VIL1: variants seen among roughly 807,000 people sequenced by gnomAD.
VIL1 encodes villin-1.
A neutral mutation model predicts 104.0 loss-of-function variants in VIL1; 86 were observed. That is an observed-to-expected ratio of 0.83 (90% CI 0.69 to 0.99). The LOEUF (loss-of-function observed/expected upper bound fraction) is 0.99. Ranked by LOEUF, VIL1 falls within the 50% of genes least tolerant of loss-of-function variation. The probability of loss-of-function intolerance (pLI) is 0.00; values close to 1 mark genes in which losing one functional copy is unlikely to be tolerated. For missense variants in VIL1, 944 were observed against 1,054.1 expected, an observed-to-expected ratio of 0.90 and a Z score of 1.45; for synonymous variants, 394 against 412.6, an observed-to-expected ratio of 0.95 and a Z score of 0.55.
rs747118332 is a variant in VIL1, at chr2:218,428,035, C to T, written c.418C>T (p.Leu140=). The part of the protein sequence containing the change: ...ETNSYDVQRL[L]HVKGKRNVVA... ...CAACTCCTATGACGTCCAGAGGCTG[C>T]TGCATGTCAAGGGCAAGAGGAACGT... is the stretch of plus-strand genomic sequence containing the variant. The change falls in exon 5 of 20, where the codon CTG becomes TTG. Residue 140 remains leucine (L), a synonymous_variant. Transcript: ENST00000248444. The T allele has an allele frequency of 1.2e-6, 2 of 1,614,178 alleles. No individual in the cohort carries two copies. The highest frequency in any genetic ancestry group is 2.2e-5 in the South Asian group (2 of 91,086).
chr2:218,445,655 C>T (rs959682046), intron 19 of VIL1, among the ~76,000 whole-genome samples: 7 of 152,006 alleles, frequency 4.6e-5, no homozygotes, highest in African/African-American at 1.7e-4. Context: ...TAGGGCAACT[C>T]CACCTTAGCA....
At chr2:218,438,077 A>C (rs138979390) in intron 17 of VIL1, among the ~76,000 whole-genome samples, 445 of 152,338 alleles carry the variant, frequency 2.9e-3, no homozygotes, top group African/African-American at 0.01. Context: ...TCAAGGCAGC[A>C]TATCGAGATG....
chr2:218,429,979 G>C lies in VIL1; in HGVS notation c.948+32G>C, dbSNP rs1689068298. On this transcript the variant is annotated intron_variant, in intron 9 of 19. Transcript: ENST00000248444. ...GTGGGGGCGGGGGAGGGTCCAGGAGGAGGGCAGAGTGATGGGAGGGAGAGA... is the reference window on the plus strand; with the variant it reads ...GTGGGGGCGGGGGAGGGTCCAGGAGCAGGGCAGAGTGATGGGAGGGAGAGA... The C allele has an allele frequency of 2.5e-6, 4 of 1,578,138 alleles. No homozygotes were observed. In the East Asian group the frequency reaches 9.0e-5, roughly 35 times the overall value.
intron 4 of VIL1, among the ~76,000 whole-genome samples, chr2:218,426,136 G>A (rs1292517048): frequency 6.6e-6 from 1 of 152,204 alleles, no homozygotes; most frequent in Non-Finnish European, 1.5e-5. Flanking sequence ...CTACTTGAAT[G>A]TCCTGGAGAG....
At chr2:218,439,156 C>T (rs1480851293) in intron 18 of VIL1, among the ~76,000 whole-genome samples, 1 of 151,846 alleles carries the variant, frequency 6.6e-6, no homozygotes, top group Non-Finnish European at 1.5e-5. Context: ...GTCTCAAACT[C>T]CTGACCTCAA....
chr2:218,423,916 A>G (rs1688934521), intron 2 of VIL1, 63 bp downstream of exon 2: 1 of 1,582,924 alleles, frequency 6.3e-7, no homozygotes. Flanking sequence ...AAGGCCAAGG[A>G]GGGAGGCCTG....
chr2:218,423,642 C>T, intron 1 of VIL1, 126 bp from the exon 2 acceptor site: 2 of 829,288 alleles, frequency 2.4e-6, no homozygotes, highest in Non-Finnish European at 4.0e-6. Context: ...TGGGGAGTAA[C>T]CCTCTGTGCT....
intron 12 of VIL1, chr2:218,432,470 G>T (rs1689115667): frequency 4.3e-6 from 3 of 691,856 alleles, no homozygotes; most frequent in African/African-American, 1.8e-5. Flanking sequence ...CAGGGAGTGT[G>T]TCTAGGACTG....
At chr2:218,446,838 A>G (rs1198396000) in intron 19 of VIL1, among the ~76,000 whole-genome samples, 1 of 141,616 alleles carries the variant, frequency 7.1e-6, no homozygotes, top group Non-Finnish European at 1.5e-5. Flanking sequence ...GATCTCGCTC[A>G]CTGCAATCTC....
In VIL1 at chr2:218,451,586, G is replaced by A. The variant is rs906354150; in HGVS notation, c.*2250G>A. On this transcript the variant is annotated 3_prime_UTR_variant, in exon 20 of 20. Transcript: ENST00000248444. ...GATAATTTTCATTATATCCGTAGCTGTATGTGTGTATAGTTACATAATGGT... is the reference window on the plus strand; with the variant it reads ...GATAATTTTCATTATATCCGTAGCTATATGTGTGTATAGTTACATAATGGT... 6 of 101,310 alleles carry A rather than the reference G, an allele frequency of 5.9e-5. No individual in the cohort carries two copies. Among genetic ancestry groups the A allele is most frequent in the African/African-American group, 1.3e-4 (4 of 29,990 alleles). 6.3% of individuals were successfully genotyped at this position (101,310 alleles called of 1,614,324 possible).
intron 1 of VIL1, among the ~76,000 whole-genome samples, chr2:218,420,523 C>CT (rs1318097560): frequency 1.3e-5 from 2 of 150,976 alleles, no homozygotes; most frequent in Non-Finnish European, 3.0e-5. Flanking sequence ...CTCCAGTGCC[C>CT]TGGGAGGGTC....
At chr2:218,437,052 G>C in intron 16 of VIL1, 72 bp from the exon 17 acceptor site, 1 of 1,551,572 alleles carries the variant, frequency 6.4e-7, no homozygotes, top group Non-Finnish European at 8.8e-7. Context: ...TTCACTGTTG[G>C]ACAACTGAGG....
Position 218,438,681 on chromosome 2 carries a change from G to A in VIL1, c.2184G>A (p.Leu728=). Residue 728 remains leucine (L), a synonymous_variant, in exon 18 of 20, where the codon CTG becomes CTA. Coordinates refer to ENST00000248444, the MANE Select transcript of VIL1 (RefSeq NM_007127.3). ...AGAACACCAAATCCTATGAGGACCT[G>A]AAGGCGGAGCTTGGCAACTCTAGGG... ...KWSNTKSYED[L]KAELGNSRDW... 4 of 1,612,804 alleles carry A rather than the reference G, an allele frequency of 2.5e-6. No homozygotes were observed. Among genetic ancestry groups the A allele is most frequent in the Non-Finnish European group, 3.4e-6 (4 of 1,179,756 alleles).
chr2:218,445,866 C>CATTT (rs1289739532), intron 19 of VIL1, among the ~76,000 whole-genome samples: 1 of 152,128 alleles, frequency 6.6e-6, no homozygotes, highest in Non-Finnish European at 1.5e-5. Flanking sequence ...GAACAAAGGT[C>CATTT]ATTTCAGTGA....
chr2:218,420,010 G>T (rs1688872109), intron 1 of VIL1, among the ~76,000 whole-genome samples: 1 of 152,126 alleles, frequency 6.6e-6, no homozygotes, highest in African/African-American at 2.4e-5. Context: ...TGAGGGGTGG[G>T]ACTTCACCCC....
intron 5 of VIL1, 59 bp downstream of exon 5, chr2:218,428,132 G>C: frequency 6.2e-7 from 1 of 1,602,262 alleles, no homozygotes; most frequent in Non-Finnish European, 8.6e-7. Flanking sequence ...GGAGGGCAGG[G>C]GCTGAGGAGG....
At chr2:218,443,238 G>A (rs867498691) in intron 19 of VIL1, among the ~76,000 whole-genome samples, 26 of 145,508 alleles carry the variant, frequency 1.8e-4, no homozygotes, top group Middle Eastern at 3.6e-3. Context: ...TTGCTCTGTC[G>A]CCCAGGCTGG....
chr2:218,432,571 G>T (rs1389585607), intron 12 of VIL1: 1 of 764,010 alleles, frequency 1.3e-6, no homozygotes, highest in Non-Finnish European at 2.2e-6. Context: ...AGGTAGGTCA[G>T]GGCTGGGCTG....
chr2:218,447,409 C>T lies in VIL1; in HGVS notation c.2371-1814C>T, dbSNP rs187161180. Among the ~76,000 whole-genome samples the T allele has an allele frequency of 5.6e-3, 854 of 152,324 alleles. 3 individuals are homozygous for T. Among genetic ancestry groups the T allele is most frequent in the Non-Finnish European group, 9.5e-3 (646 of 68,018 alleles). ...CTTGGCTTACTGCAACCTCTGCCACCTGGGCTCAAGTGATCCTGCCACCTC... is the reference window on the plus strand; with the variant it reads ...CTTGGCTTACTGCAACCTCTGCCACTTGGGCTCAAGTGATCCTGCCACCTC... On this transcript the variant is annotated intron_variant, in intron 19 of 19. Transcript: ENST00000248444.
Sources: allele counts gnomAD v4.1 joint callset (sites outside exome capture counted in the v4.1 genomes callset), GRCh38; gene constraint gnomAD v4.1.1; transcripts MANE v1.5; gene names NCBI Gene and HGNC (gene_info 2026-07-23, HGNC 2026-07-21).